The following SHROOM2 variants were observed in gnomAD, a reference collection of about 807,000 sequenced individuals.
The protein encoded by SHROOM2 is shroom family member 2, also known as protein Shroom2.
SHROOM2 carries 33 observed loss-of-function variants against 75.9 expected under a neutral mutation model. That is an observed-to-expected ratio of 0.43 (90% CI 0.33 to 0.58). The LOEUF (loss-of-function observed/expected upper bound fraction) is 0.58, where lower values mean the gene tolerates loss of function less well. Among genes scored for constraint, SHROOM2 ranks in the 20% least tolerant of loss-of-function variants. The pLI is 0.04. For missense variants in SHROOM2, 1,434 were observed against 1,461.2 expected (o/e 0.98, Z 0.30); for synonymous variants, 655 against 663.6 (o/e 0.99, Z 0.20).
At chrX:9,879,187 C>T (rs1231332949) in intron 2 of SHROOM2, among the ~76,000 whole-genome samples, 2 of 111,650 alleles carry the variant, frequency 1.8e-5, no homozygotes, top group Non-Finnish European at 3.8e-5. Context: ...ATCCTCTTGC[C>T]TCAGCCTACT....
At chrX:9,891,869 G>A (rs1411130509) in intron 3 of SHROOM2, among the ~76,000 whole-genome samples, 1 of 61,765 alleles carries the variant, frequency 1.6e-5, no homozygotes, top group Non-Finnish European at 2.8e-5. Context: ...AGCATGTTTG[G>A]TGTGTGTGTG....
chrX:9,855,287 A>T (rs180793069), intron 1 of SHROOM2, among the ~76,000 whole-genome samples: 1,252 of 75,184 alleles, frequency 0.017, 43 homozygotes, highest in African/African-American at 0.068. Context: ...CCAGAACTTA[A>T]AGTATAGTAA....
intron 5 of SHROOM2, among the ~76,000 whole-genome samples, chrX:9,926,205 C>T (rs1212047464): frequency 8.9e-6 from 1 of 112,001 alleles, no homozygotes; most frequent in African/African-American, 3.2e-5. Context: ...GGTGTAGTTG[C>T]CTGCCTGACG....
intron 2 of SHROOM2, among the ~76,000 whole-genome samples, chrX:9,880,236 G>A (rs1296185449): frequency 8.9e-6 from 1 of 112,796 alleles, no homozygotes; most frequent in Non-Finnish European, 1.9e-5. Flanking sequence ...GCTTAGCAGG[G>A]CAGGAGGCCC....
chrX:9,823,756 C>CTTTTTTTTTTTTTTTTTTTTT (rs1293537759), intron 1 of SHROOM2, among the ~76,000 whole-genome samples: 1 of 85,915 alleles, frequency 1.2e-5, no homozygotes. Context: ...TTTCTTTTTT[C>CTTTTTTTTTTTTTTTTTTTTT]TTTTTTCTTT....
intron 4 of SHROOM2, among the ~76,000 whole-genome samples, chrX:9,897,377 G>C (rs961388410): frequency 9.1e-6 from 1 of 109,731 alleles, no homozygotes; most frequent in African/African-American, 3.3e-5. Context: ...ATCTGCACTT[G>C]CACATCTCAA....
In SHROOM2 at chrX:9,806,058, G is replaced by A. The variant is rs1190807936; in HGVS notation, c.165+19348G>A. Among the ~76,000 whole-genome samples the A allele has an allele frequency of 6.3e-5, 7 of 111,020 alleles. No homozygotes were observed. The Admixed American group carries it at 6.8e-4, about 11-fold the overall frequency. On this transcript the variant is annotated intron_variant, in intron 1 of 9. Coordinates refer to ENST00000380913, the MANE Select transcript of SHROOM2 (RefSeq NM_001649.4). Reference sequence around the variant, plus strand: ...GCGCCTCCTACAAACCAGGAAGTAGGTCCACAGCAGACACTGAATCCGCCA... The same window carrying A: ...GCGCCTCCTACAAACCAGGAAGTAGATCCACAGCAGACACTGAATCCGCCA...
At chrX:9,857,688 G>A (rs753235166) in intron 1 of SHROOM2, among the ~76,000 whole-genome samples, 9 of 111,533 alleles carry the variant, frequency 8.1e-5, no homozygotes, top group African/African-American at 2.3e-4. Flanking sequence ...TGTGTCCACC[G>A]TGCTTTCACT....
chrX:9,941,738 G>A (rs1209219216), intron 8 of SHROOM2, among the ~76,000 whole-genome samples: 35 of 109,895 alleles, frequency 3.2e-4, no homozygotes, highest in Non-Finnish European at 5.2e-4. Context: ...TTCGGAGGCC[G>A]AGGTGGGCGG....
At position 9,910,601 on chromosome X, in the gene SHROOM2, G is replaced by A. The variant is rs113946340; in HGVS notation, c.2891+12311G>A. On this transcript the variant is annotated intron_variant, in intron 5 of 9. Coordinates refer to ENST00000380913, the MANE Select transcript of SHROOM2 (RefSeq NM_001649.4). ...GGAGGCTGAGGCGGGCGTATCACTT[G>A]AGGTCAGGAGTTCGAGACCAGCCTG... 8.9e-3 allele frequency among the ~76,000 whole-genome samples: 982 copies of A among 110,020 alleles called. 13 individuals carry two copies. The highest frequency in any genetic ancestry group is 0.031 in the African/African-American group (924 of 30,222).
intron 5 of SHROOM2, among the ~76,000 whole-genome samples, chrX:9,931,370 C>T (rs1401994573): frequency 8.1e-5 from 9 of 110,825 alleles, no homozygotes; most frequent in East Asian, 2.9e-4. Context: ...GAAAATTAGC[C>T]GGGCGTGGTG....
intron 1 of SHROOM2, among the ~76,000 whole-genome samples, chrX:9,798,375 T>C (rs959328486): frequency 2.7e-5 from 3 of 112,459 alleles, no homozygotes; most frequent in East Asian, 5.5e-4. Flanking sequence ...TTATCTCTGC[T>C]AATTGTATAA....
intron 8 of SHROOM2, among the ~76,000 whole-genome samples, chrX:9,942,843 A>T (rs184944295): frequency 5.4e-5 from 6 of 111,627 alleles, no homozygotes; most frequent in African/African-American, 1.6e-4. Flanking sequence ...GGAGAAAGCC[A>T]CAAGGTCTGC....
chrX:9,809,127 T>C (rs1244978632), intron 1 of SHROOM2, among the ~76,000 whole-genome samples: 1 of 99,786 alleles, frequency 1.0e-5, no homozygotes, highest in East Asian at 3.4e-4. Context: ...ACAGAACTAA[T>C]AGGAAATATA....
At chrX:9,847,574 A>C (rs2084012943) in intron 1 of SHROOM2, among the ~76,000 whole-genome samples, 1 of 112,018 alleles carries the variant, frequency 8.9e-6, no homozygotes, top group Non-Finnish European at 1.9e-5. Context: ...AATGAGGGAA[A>C]CACTTTTATT....
chrX:9,792,058 A>G (rs1423836753), intron 1 of SHROOM2, among the ~76,000 whole-genome samples: 6 of 21,105 alleles, frequency 2.8e-4, no homozygotes, highest in African/African-American at 6.9e-4. Context: ...ATAGAATAGA[A>G]TAGAATAGAA....
At chrX:9,838,229 T>A (rs920806858) in intron 1 of SHROOM2, among the ~76,000 whole-genome samples, 74 of 108,792 alleles carry the variant, frequency 6.8e-4, no homozygotes, top group African/African-American at 2.5e-3. Context: ...CCCGGCTAAT[T>A]TTTTGTATTT....
intron 2 of SHROOM2, among the ~76,000 whole-genome samples, chrX:9,890,575 C>T (rs903189121): frequency 3.5e-5 from 4 of 113,120 alleles, no homozygotes; most frequent in Non-Finnish European, 5.6e-5. Flanking sequence ...CAAGCGTGCG[C>T]GCTGTGCGCA....
In SHROOM2 at chrX:9,890,984, G is replaced by A. The variant is rs1350581857; in HGVS notation, c.325G>A (p.Glu109Lys). The change falls in exon 3 of 10, where the codon GAG becomes AAG. Residue 109 changes from glutamate (E) to lysine (K), a missense_variant. By Grantham distance (56) the Glu-to-Lys change is moderately conservative (BLOSUM62 1). This residue lies in a region of SHROOM2 where 1,340 missense variants were observed against 1,338.3 expected (regional missense o/e 1.00). Coordinates refer to ENST00000380913, the MANE Select transcript of SHROOM2 (RefSeq NM_001649.4). ...CCCTGCGTTCTTTTCTAGGAGGAGCGAGCTGGGCTGGAGGCCTCACTCCTG... is the reference window on the plus strand; with the variant it reads ...CCCTGCGTTCTTTTCTAGGAGGAGCAAGCTGGGCTGGAGGCCTCACTCCTG... ...TLKLVVKRRSELGWRPHSWHA... is the reference protein window; with the variant it reads ...TLKLVVKRRSKLGWRPHSWHA... 23 of 1,203,656 alleles carry A rather than the reference G, an allele frequency of 1.9e-5. No individual in the cohort carries two copies. Among genetic ancestry groups the A allele is most frequent in the Non-Finnish European group, 2.5e-5 (22 of 892,249 alleles).
Sources: gnomAD v4.1 joint callset for allele counts (sites outside exome capture counted in the v4.1 genomes callset) on GRCh38, gnomAD v4.1.1 for gene constraint, gnomAD v4.1.1 regional missense constraint, MANE v1.5 for transcripts, NCBI Gene and HGNC (gene_info 2026-07-23, HGNC 2026-07-21) for gene names.